DSE: variants seen among roughly 807,000 people sequenced by gnomAD.
DSE encodes dermatan-sulfate epimerase.
DSE carries 36 observed loss-of-function variants against 84.4 expected under a neutral mutation model. The ratio of observed to expected loss-of-function variants is 0.43; its 90% CI spans 0.33 to 0.56. The LOEUF is 0.56. Among genes scored for constraint, DSE ranks in the 20% least tolerant of loss-of-function variants. The probability of loss-of-function intolerance (pLI) is 0.06; values close to 1 mark genes in which losing one functional copy is unlikely to be tolerated. For synonymous variants in DSE, 410 were observed against 430.1 expected, an observed-to-expected ratio of 0.95 and a Z score of 0.58; for missense variants, 862 against 1,169.6, an observed-to-expected ratio of 0.74 and a Z score of 3.84.
intron 2 of DSE, among the ~76,000 whole-genome samples, chr6:116,338,940 A>G (rs997087934): frequency 1.3e-5 from 2 of 152,246 alleles, no homozygotes; most frequent in African/African-American, 4.8e-5. Context: ...CTATGCCTCC[A>G]AATAGCCAAA....
At chr6:116,414,053 T>C (rs1426471169) in intron 2 of DSE, among the ~76,000 whole-genome samples, 2 of 152,150 alleles carry the variant, frequency 1.3e-5, no homozygotes, top group Non-Finnish European at 2.9e-5. Context: ...GTGTACGAGG[T>C]GGCAGCAATG....
At chr6:116,370,542 G>A, upstream of DSE, 3 of 981,606 alleles carry the variant, frequency 3.1e-6, no homozygotes, top group Non-Finnish European at 3.6e-6. Context: ...TCGCAGAGTA[G>A]TATGGAAGCA....
chr6:116,264,320 G>C (rs79991492), intron 2 of DSE, among the ~76,000 whole-genome samples: 6,554 of 151,760 alleles, frequency 0.043, 226 homozygotes, highest in African/African-American at 0.092. Context: ...ATTCTTGTCT[G>C]ACTAGCCAGT....
At chr6:116,275,039 GCAAT>G (rs1217737900) in intron 2 of DSE, among the ~76,000 whole-genome samples, 1 of 152,084 alleles carries the variant, frequency 6.6e-6, no homozygotes, top group African/African-American at 2.4e-5. Flanking sequence ...ATTTCAACAT[GCAAT>G]CAATATGAAA....
intron 1 of DSE, among the ~76,000 whole-genome samples, chr6:116,398,685 T>A (rs1781401883): frequency 6.6e-6 from 1 of 152,236 alleles, no homozygotes; most frequent in Non-Finnish European, 1.5e-5. Context: ...ATATTTTGTC[T>A]GCTTACAGAT....
Position 116,280,158 on chromosome 6 carries a change from C to T in DSE, c.-54+21191C>T, listed in dbSNP as rs1320178988. The T allele has an allele frequency of 2.4e-5, 10 of 421,572 alleles. No homozygotes were observed. In the East Asian group the frequency reaches 5.6e-4, roughly 24 times the overall value. 26.1% of individuals were successfully genotyped at this position (421,572 alleles called of 1,614,324 possible). The stretch of plus-strand genomic sequence containing the variant: ...CTTGAGATGCATCTAGCGACTGCTC[C>T]CAGCATGTAGGAGCAGTTGTAAAAT... On this transcript the variant is annotated intron_variant, in intron 2 of 3. Transcript: ENST00000430252.
chr6:116,366,168 G>T (rs557045016), upstream of DSE: 1 of 152,230 alleles, frequency 6.6e-6, no homozygotes. Flanking sequence ...ATGAGAAAGT[G>T]GAACTCAACA....
At chr6:116,322,253 C>T (rs2114764952) in intron 2 of DSE, among the ~76,000 whole-genome samples, 1 of 152,262 alleles carries the variant, frequency 6.6e-6, no homozygotes, top group East Asian at 1.9e-4. Context: ...CGGGGTCGAT[C>T]TTTAACTACC....
intron 2 of DSE, among the ~76,000 whole-genome samples, chr6:116,298,000 G>T (rs1177793379): frequency 6.6e-6 from 1 of 152,170 alleles, no homozygotes; most frequent in Non-Finnish European, 1.5e-5. Flanking sequence ...AGCAAACCAG[G>T]ATTGTTGGAC....
chr6:116,386,568 A>T lies in DSE; in HGVS notation c.-53-12630A>T, dbSNP rs115988597. ...CAATACATGCAAAGCGTTGCTAGCC[A>T]GGGAAGCTCACCTGAGCCTTGGTGT... is the stretch of plus-strand genomic sequence containing the variant. On this transcript the variant is annotated intron_variant, in intron 1 of 5. Coordinates refer to ENST00000644252, the MANE Select transcript of DSE (RefSeq NM_013352.4). Among the ~76,000 whole-genome samples the T allele has an allele frequency of 5.3e-3, 809 of 152,360 alleles. 8 individuals are homozygous for T. Among genetic ancestry groups the T allele is most frequent in the African/African-American group, 0.019 (773 of 41,586 alleles).
In DSE at chr6:116,353,648, T is replaced by A. The variant is rs547059616; in HGVS notation, c.-53-45550T>A. 1.3e-4 allele frequency among the ~76,000 whole-genome samples: 20 copies of A among 152,332 alleles called. No homozygotes were observed. In the East Asian group the frequency reaches 3.3e-3, roughly 25 times the overall value. On this transcript the variant is annotated intron_variant, in intron 2 of 3. Transcript: ENST00000430252. ...CCAGAAAACTGAGATTTGGGGAGGC[T>A]AAGTAAATTTGCTTAAGGTTATGGA...
At chr6:116,330,742 C>G (rs1452492463) in intron 2 of DSE, among the ~76,000 whole-genome samples, 11 of 152,132 alleles carry the variant, frequency 7.2e-5, no homozygotes, top group Admixed American at 2.6e-4. Flanking sequence ...AGCAAATACC[C>G]TGATTTTATG....
At chr6:116,318,788 T>A (rs963203793) in intron 2 of DSE, among the ~76,000 whole-genome samples, 33 of 152,150 alleles carry the variant, frequency 2.2e-4, no homozygotes, top group Non-Finnish European at 3.8e-4. Flanking sequence ...AAGAGTAAAG[T>A]GAATTAAATC....
At chr6:116,254,404 G>A in intron 1 of DSE, 2 of 459,126 alleles carry the variant, frequency 4.4e-6, no homozygotes, top group Non-Finnish European at 8.7e-6. Flanking sequence ...GTCTATTCAA[G>A]TCAGTTCATA....
At chr6:116,289,733 T>G (rs535707289) in intron 2 of DSE, among the ~76,000 whole-genome samples, 1 of 152,088 alleles carries the variant, frequency 6.6e-6, no homozygotes. Context: ...TGATTCAATA[T>G]GAAAAGTTCA....
At chr6:116,279,243 C>G (rs544820480) in intron 2 of DSE, 1 of 1,608,736 alleles carries the variant, frequency 6.2e-7, no homozygotes, top group African/African-American at 1.3e-5. Context: ...CACCTTCTGG[C>G]GGCTGCTCCT....
At chr6:116,384,187 G>A (rs1211317819) in intron 1 of DSE, among the ~76,000 whole-genome samples, 1 of 152,182 alleles carries the variant, frequency 6.6e-6, no homozygotes, top group Non-Finnish European at 1.5e-5. Flanking sequence ...AGTCAGCACA[G>A]AAACAGTCAT....
intron 2 of DSE, among the ~76,000 whole-genome samples, chr6:116,301,274 A>G (rs775702276): frequency 2.0e-5 from 3 of 152,160 alleles, no homozygotes; most frequent in African/African-American, 4.8e-5. Context: ...GGTGAAGGGC[A>G]GTGCTGAGGA....
At chr6:116,323,387 T>C (rs1032769450) in intron 2 of DSE, among the ~76,000 whole-genome samples, 2 of 152,194 alleles carry the variant, frequency 1.3e-5, no homozygotes, top group Non-Finnish European at 2.9e-5. Flanking sequence ...TGGATTTCTA[T>C]TTTTTTATTG....
Sources: gnomAD v4.1 joint callset for allele counts (sites outside exome capture counted in the v4.1 genomes callset) on GRCh38, gnomAD v4.1.1 for gene constraint, MANE v1.5 for transcripts, NCBI Gene and HGNC (gene_info 2026-07-23, HGNC 2026-07-21) for gene names.